Variants in ADAM23 observed in about 807,000 individuals in gnomAD.
ADAM23 encodes disintegrin and metalloproteinase domain-containing protein 23.
In ADAM23, 33 loss-of-function variants were observed where a neutral mutation model predicts 120.1. That is an observed-to-expected ratio of 0.27 (90% confidence interval 0.21 to 0.37). The LOEUF (loss-of-function observed/expected upper bound fraction) is 0.37. Among genes scored for constraint, ADAM23 ranks in the 10% least tolerant of loss-of-function variants. The pLI is 1.00. For missense variants in ADAM23, 862 were observed against 1,058.2 expected (o/e 0.81, Z 2.57); for synonymous variants, 367 against 375.2 (o/e 0.98, Z 0.25).
intron 24 of ADAM23, among the ~76,000 whole-genome samples, chr2:206,599,985 A>G (rs531982301): frequency 1.6e-4 from 24 of 152,286 alleles, no homozygotes; most frequent in African/African-American, 5.8e-4. Context: ...GCGGATCACA[A>G]GGTCAGGAGA....
rs1377867820 is a variant in ADAM23, at chr2:206,530,895, T to C, written c.520T>C (p.Ser174Pro). The part of the protein sequence containing the change: ...LDLILNNGLL[S>P]SDYVEIHYEN... ...TTCTTTCCTTTGTAGTGGTTTGTTG[T>C]CTTCTGATTATGTGGAGATTCACTA... is the stretch of plus-strand genomic sequence containing the variant. Residue 174 changes from serine (S) to proline (P), a missense_variant, in exon 4 of 26, where the codon TCT becomes CCT. By Grantham distance (74) the Ser-to-Pro change is moderately conservative. Around this residue, in one of 4 missense-constraint regions of ADAM23, gnomAD observed 617 missense variants for 813.5 expected, o/e 0.76. Transcript: ENST00000264377. The C allele has an allele frequency of 1.9e-6, 3 of 1,613,838 alleles. No homozygotes were observed. The highest frequency in any genetic ancestry group is 2.2e-5 in the South Asian group (2 of 91,040).
At chr2:206,602,780 A>G (rs1409527606) in intron 24 of ADAM23, among the ~76,000 whole-genome samples, 1 of 152,232 alleles carries the variant, frequency 6.6e-6, no homozygotes, top group Non-Finnish European at 1.5e-5. Flanking sequence ...GAGAAAATTT[A>G]TAGTTTTTGA....
At chr2:206,504,281 TA>T (rs1363895184) in intron 3 of ADAM23, among the ~76,000 whole-genome samples, 1 of 152,202 alleles carries the variant, frequency 6.6e-6, no homozygotes, top group African/African-American at 2.4e-5. Context: ...TAATCAGCAA[TA>T]TGATAGGCTT....
chr2:206,477,760 A>G (rs888266600), intron 2 of ADAM23, among the ~76,000 whole-genome samples: 1 of 151,672 alleles, frequency 6.6e-6, no homozygotes, highest in Non-Finnish European at 1.5e-5. Context: ...TCAGTTCATT[A>G]TCTCTAAAAT....
chr2:206,570,788 G>C lies in ADAM23; in HGVS notation c.1543G>C (p.Glu515Gln). The change falls in exon 16 of 26, where the codon GAG becomes CAG. Residue 515 changes from glutamate to glutamine, a missense_variant. By Grantham distance (29) the Glu-to-Gln change is conservative. Coordinates refer to ENST00000264377, the MANE Select transcript of ADAM23 (RefSeq NM_003812.4). ...AAATGGATACGTGGAAGCTGGGGAG[G>C]AGTGTGATTGTGGTTTTCATGTGGT... ...CGNGYVEAGE[E>Q]CDCGFHVECY... 1 of 1,613,940 alleles carries C rather than the reference G, an allele frequency of 6.2e-7. No individual in the cohort carries two copies. The highest frequency in any genetic ancestry group is 8.5e-7 in the Non-Finnish European group (1 of 1,179,850).
intron 18 of ADAM23, among the ~76,000 whole-genome samples, chr2:206,586,103 G>C (rs555011229): frequency 6.6e-6 from 1 of 152,342 alleles, no homozygotes. Context: ...GTGTGTCCAC[G>C]TGGACTCACA....
At chr2:206,477,897 A>AATATATATATATATATATATAT (rs71034457) in intron 2 of ADAM23, among the ~76,000 whole-genome samples, 29 of 93,546 alleles carry the variant, frequency 3.1e-4, no homozygotes, top group African/African-American at 7.7e-4. Context: ...AAAAAAAAAA[A>AATATATATATATATATATATAT]ATATATATAT....
At chr2:206,511,796 T>C (rs913244709) in intron 3 of ADAM23, among the ~76,000 whole-genome samples, 3 of 152,232 alleles carry the variant, frequency 2.0e-5, no homozygotes, top group African/African-American at 7.2e-5. Context: ...TAATTTTTTA[T>C]TCCTCTTTTT....
At chr2:206,504,193 T>C (rs781505780) in intron 3 of ADAM23, among the ~76,000 whole-genome samples, 5 of 152,192 alleles carry the variant, frequency 3.3e-5, no homozygotes, top group Non-Finnish European at 7.4e-5. Flanking sequence ...CTCTATAATA[T>C]GTTAAATACA....
intron 18 of ADAM23, among the ~76,000 whole-genome samples, chr2:206,583,907 G>C (rs2105842275): frequency 6.6e-6 from 1 of 152,212 alleles, no homozygotes; most frequent in East Asian, 1.9e-4. Flanking sequence ...GAACTAGTGT[G>C]ATTTTTTGGG....
intron 21 of ADAM23, among the ~76,000 whole-genome samples, chr2:206,591,090 G>A (rs1303999154): frequency 6.6e-6 from 1 of 152,130 alleles, no homozygotes; most frequent in African/African-American, 2.4e-5. Context: ...CCAGCACTTA[G>A]GGAGGCTGAG....
At chr2:206,558,342 A>T (rs1697687859) in intron 10 of ADAM23, among the ~76,000 whole-genome samples, 1 of 152,178 alleles carries the variant, frequency 6.6e-6, no homozygotes, top group South Asian at 2.1e-4. Flanking sequence ...AATGCGAAAA[A>T]AACCCCACCA....
intron 25 of ADAM23, among the ~76,000 whole-genome samples, chr2:206,614,583 C>T (rs1029147562): frequency 3.3e-5 from 5 of 151,672 alleles, no homozygotes; most frequent in African/African-American, 7.3e-5. Flanking sequence ...ACCCGGGAGA[C>T]GGAGGTTGCA....
intron 18 of ADAM23, 110 bp downstream of exon 18, chr2:206,573,305 G>A: frequency 2.8e-6 from 3 of 1,073,388 alleles, no homozygotes; most frequent in Non-Finnish European, 1.4e-6. Flanking sequence ...TTTGGATTTT[G>A]GAATATTTGC....
chr2:206,456,356 C>T (rs911871963), intron 2 of ADAM23, among the ~76,000 whole-genome samples: 2 of 151,962 alleles, frequency 1.3e-5, no homozygotes, highest in Non-Finnish European at 2.9e-5. Flanking sequence ...ATCCAATCAC[C>T]TCCCACCAGG....
chr2:206,615,397 C>T (rs145621572), intron 25 of ADAM23, among the ~76,000 whole-genome samples: 6 of 152,244 alleles, frequency 3.9e-5, no homozygotes, highest in South Asian at 2.1e-4. Context: ...AGGACCTGCC[C>T]GCAGTAGTTG....
chr2:206,446,308 T>A (rs996910667), intron 2 of ADAM23, among the ~76,000 whole-genome samples: 3 of 152,226 alleles, frequency 2.0e-5, no homozygotes. Context: ...ATTAATATTA[T>A]TTTGAACCCC....
chr2:206,573,262 C>A, intron 18 of ADAM23, 67 bp downstream of exon 18: 1 of 1,437,814 alleles, frequency 7.0e-7, no homozygotes, highest in Non-Finnish European at 9.8e-7. Flanking sequence ...TACCACAGTG[C>A]TTGGGGCCAG....
At chr2:206,599,992 G>A (rs1307609036) in intron 24 of ADAM23, among the ~76,000 whole-genome samples, 1 of 152,164 alleles carries the variant, frequency 6.6e-6, no homozygotes, top group Non-Finnish European at 1.5e-5. Context: ...ACAAGGTCAG[G>A]AGATCGAGAC....
Sources: gnomAD v4.1 joint callset for allele counts (sites outside exome capture counted in the v4.1 genomes callset) on GRCh38, gnomAD v4.1.1 for gene constraint, gnomAD v4.1.1 regional missense constraint, MANE v1.5 for transcripts, NCBI Gene and HGNC (gene_info 2026-07-23, HGNC 2026-07-21) for gene names.